The following EPSTI1 variants were observed in gnomAD, a reference collection of about 807,000 sequenced individuals.
EPSTI1 encodes epithelial stromal interaction 1.
A neutral mutation model predicts 49.9 loss-of-function variants in EPSTI1; 66 were observed. The ratio of observed to expected loss-of-function variants is 1.32; its 90% confidence interval spans 1.08 to 1.62. EPSTI1 has a LOEUF of 1.62. EPSTI1 is among the 40% of genes most tolerant of loss of function. The probability of loss-of-function intolerance (pLI) is 0.00; values close to 1 mark genes in which losing one functional copy is unlikely to be tolerated. For missense variants in EPSTI1, 394 were observed against 365.5 expected, an observed-to-expected ratio of 1.08 and a Z score of -0.64; for synonymous variants, 137 against 130.7, an observed-to-expected ratio of 1.05 and a Z score of -0.33.
chr13:42,941,048 A>T (rs2038736285), intron 6 of EPSTI1, among the ~76,000 whole-genome samples: 1 of 152,130 alleles, frequency 6.6e-6, no homozygotes, highest in African/African-American at 2.4e-5. Context: ...ATCTTCTATC[A>T]TAGATTTTAA....
At chr13:42,982,563 C>T (rs116008882) in intron 1 of EPSTI1, among the ~76,000 whole-genome samples, 150 of 152,344 alleles carry the variant, frequency 9.8e-4, no homozygotes, top group African/African-American at 3.4e-3. Context: ...GCCAGTAACA[C>T]TAACACAAGG....
intron 6 of EPSTI1, among the ~76,000 whole-genome samples, chr13:42,952,149 C>T (rs535179218): frequency 3.2e-4 from 49 of 152,232 alleles, no homozygotes; most frequent in African/African-American, 9.6e-4. Context: ...TAAAATGGAC[C>T]GATCAACGGG....
chr13:42,899,160 C>T (rs1373069054), intron 9 of EPSTI1, among the ~76,000 whole-genome samples: 5 of 150,178 alleles, frequency 3.3e-5, no homozygotes, highest in Admixed American at 1.3e-4. Context: ...ATCCTGCCAC[C>T]GCACTCCCAC....
At chr13:42,926,058 T>TAGGAAGGTA (rs2038165652) in intron 7 of EPSTI1, among the ~76,000 whole-genome samples, 2 of 12,438 alleles carry the variant, frequency 1.6e-4, no homozygotes, top group African/African-American at 3.1e-4. Flanking sequence ...GTAGGAAGGA[T>TAGGAAGGTA]GGAAGGATGG....
At chr13:42,889,305 T>C in intron 10 of EPSTI1, 1 of 1,017,480 alleles carries the variant, frequency 9.8e-7, no homozygotes, top group Non-Finnish European at 1.4e-6. Flanking sequence ...TAAATGTATA[T>C]GTTAAGAAAT....
chr13:42,900,298 A>G lies in EPSTI1; in HGVS notation c.815+12T>C. ...TTTAACCAAGGATGCTTATTTTATT[A>G]GCCAGTTTTACCTCCTGTGTTCAGT... On this transcript the variant is annotated intron_variant, in intron 9 of 10. Coordinates refer to ENST00000313624, the MANE Select transcript of EPSTI1 (RefSeq NM_033255.5). The G allele has an allele frequency of 6.2e-7, 1 of 1,612,078 alleles. No individual in the cohort carries two copies. Among genetic ancestry groups the G allele is most frequent in the Non-Finnish European group, 8.5e-7 (1 of 1,178,398 alleles).
At chr13:42,960,107 C>G (rs2039402970) in intron 5 of EPSTI1, among the ~76,000 whole-genome samples, 1 of 152,052 alleles carries the variant, frequency 6.6e-6, no homozygotes, top group Non-Finnish European at 1.5e-5. Flanking sequence ...GAGGGGGAGG[C>G]AGCAACCAAT....
In EPSTI1 at chr13:42,937,786, A is replaced by G. The variant is rs1297993841; in HGVS notation, c.564-11357T>C. ...ATGAGGGCTGGGATCATCCTCTTCC[A>G]TATTCCTGTTAATGTTGATATTTTG... On this transcript the variant is annotated intron_variant, in intron 6 of 10. Transcript: ENST00000313624. Among the ~76,000 whole-genome samples the G allele has an allele frequency of 2.6e-5, 4 of 152,114 alleles. No homozygotes were observed. In the East Asian group the frequency reaches 7.7e-4, roughly 29 times the overall value.
intron 7 of EPSTI1, among the ~76,000 whole-genome samples, chr13:42,918,829 GA>G (rs985834498): frequency 4.6e-5 from 7 of 152,166 alleles, no homozygotes; most frequent in Non-Finnish European, 1.0e-4. Context: ...GGGGAAAAGT[GA>G]TTCTCTGACA....
At chr13:42,891,465 G>A (rs1051983491) in intron 10 of EPSTI1, among the ~76,000 whole-genome samples, 1 of 152,158 alleles carries the variant, frequency 6.6e-6, no homozygotes, top group Non-Finnish European at 1.5e-5. Context: ...CTTGCCAACA[G>A]AGTATATTGT....
chr13:42,975,602 T>C (rs2039865352), intron 1 of EPSTI1, among the ~76,000 whole-genome samples: 2 of 152,122 alleles, frequency 1.3e-5, no homozygotes, highest in Non-Finnish European at 2.9e-5. Context: ...TACTGAGATA[T>C]TGTAAATTCA....
At chr13:42,969,282 G>T in intron 2 of EPSTI1, 105 bp from the exon 3 acceptor site, 3 of 1,038,454 alleles carry the variant, frequency 2.9e-6, no homozygotes, top group Non-Finnish European at 4.2e-6. Flanking sequence ...TTAACTATAT[G>T]TGAGCATGAG....
At chr13:42,928,730 T>TC (rs1385804078) in intron 6 of EPSTI1, among the ~76,000 whole-genome samples, 1 of 152,184 alleles carries the variant, frequency 6.6e-6, no homozygotes, top group African/African-American at 2.4e-5. Flanking sequence ...TCATGAAAAT[T>TC]TACATTCTCC....
rs1186337949 is a variant in EPSTI1 at position 42,922,328 on chromosome 13, G to A, written c.657+4008C>T. 6.6e-6 allele frequency among the ~76,000 whole-genome samples: 1 copy of A among 152,186 alleles called. No homozygotes were observed. The highest frequency in any genetic ancestry group is 2.4e-5 in the African/African-American group (1 of 41,444). On this transcript the variant is annotated intron_variant, in intron 7 of 10. Coordinates refer to ENST00000313624, the MANE Select transcript of EPSTI1 (RefSeq NM_033255.5). The surrounding 1 kb of genome is among the most constrained non-coding windows in gnomAD (Gnocchi z 4.8). ...GGACTTTGCAGAAATTAAGGATCTG[G>A]AAGTGGAGAGATTAGCCTGGATAGT...
At chr13:42,961,091 A>T (rs1288534820) in intron 5 of EPSTI1, among the ~76,000 whole-genome samples, 1 of 152,178 alleles carries the variant, frequency 6.6e-6, no homozygotes, top group African/African-American at 2.4e-5. Flanking sequence ...TATCATACAC[A>T]CAATAGGCCA....
At chr13:42,898,136 A>C (rs2037249708) in intron 9 of EPSTI1, among the ~76,000 whole-genome samples, 1 of 152,214 alleles carries the variant, frequency 6.6e-6, no homozygotes, top group African/African-American at 2.4e-5. Flanking sequence ...AGGTTCATTG[A>C]AAAGCTTGTC....
intron 6 of EPSTI1, among the ~76,000 whole-genome samples, chr13:42,946,413 C>A (rs2038918928): frequency 1.3e-5 from 2 of 152,098 alleles, no homozygotes; most frequent in Non-Finnish European, 2.9e-5. Flanking sequence ...TAGAACTGAG[C>A]CCCTTGTCCC....
intron 8 of EPSTI1, among the ~76,000 whole-genome samples, chr13:42,909,960 C>T (rs1224787614): frequency 6.6e-6 from 1 of 151,996 alleles, no homozygotes; most frequent in African/African-American, 2.4e-5. Context: ...GTGCTCTCAC[C>T]ACAAAAATAG....
At position 42,919,299 on chromosome 13, in the gene EPSTI1, C is replaced by T; in HGVS notation, c.658-1675G>A. On this transcript the variant is annotated intron_variant, in intron 7 of 10. Transcript: ENST00000313624. ...TACTTGCAATCCTAATGTTTGCTTA[C>T]CCAGCTGTGATCCCTAGGCAGGATA... 6.8e-6 allele frequency: 11 copies of T among 1,613,514 alleles called. No homozygotes were observed. In the African/African-American group the frequency reaches 8.0e-5, roughly 12 times the overall value.
Sources: allele counts gnomAD v4.1 joint callset (sites outside exome capture counted in the v4.1 genomes callset), GRCh38; gene constraint gnomAD v4.1.1; non-coding constraint Gnocchi (gnomAD v3.1); transcripts MANE v1.5; gene names NCBI Gene and HGNC (gene_info 2026-07-23, HGNC 2026-07-21).